The following PCDHGA8 variants were observed in gnomAD, a reference collection of about 807,000 sequenced individuals.
PCDHGA8 encodes protocadherin gamma subfamily A, 8, also known as protocadherin gamma-A8.
In PCDHGA8, 45 loss-of-function variants were observed where a neutral mutation model predicts 59.2. The observed-to-expected ratio is 0.76, with a 90% CI of 0.60 to 0.98. The LOEUF (loss-of-function observed/expected upper bound fraction) is 0.98, where lower values mean the gene tolerates loss of function less well. Ranked by LOEUF, PCDHGA8 falls within the 50% of genes least tolerant of loss-of-function variation. PCDHGA8 has a pLI of 0.00. For missense variants in PCDHGA8, 1,257 were observed against 1,196.2 expected, an observed-to-expected ratio of 1.05 and a Z score of -0.75; for synonymous variants, 531 against 519.0, an observed-to-expected ratio of 1.02 and a Z score of -0.32.
At chr5:141,478,904 T>G in intron 1 of PCDHGA8, 1 of 958,800 alleles carries the variant, frequency 1.0e-6, no homozygotes, top group Non-Finnish European at 1.5e-6. Context: ...AGGAATAAGC[T>G]GCTGGATACC....
In PCDHGA8 at chr5:141,393,494, C is replaced by T. The variant is rs750216965; in HGVS notation, c.681C>T (p.Arg227=). 9.9e-6 allele frequency: 16 copies of T among 1,613,946 alleles called. No homozygotes were observed. The highest frequency in any genetic ancestry group is 1.3e-5 in the Non-Finnish European group (15 of 1,179,920). ...GGKPPRSSTV[R]IHVTVLDTND... Reference sequence around the variant, plus strand: ...AGCCGCCTCGCTCTAGCACAGTGCGCATCCACGTGACAGTGTTGGATACAA... The same window carrying T: ...AGCCGCCTCGCTCTAGCACAGTGCGTATCCACGTGACAGTGTTGGATACAA... The change falls in exon 1 of 4, where the codon CGC becomes CGT. Residue 227 remains arginine, a synonymous_variant. Transcript: ENST00000398604.
intron 1 of PCDHGA8, chr5:141,424,482 T>C (rs779975685): frequency 1.3e-5 from 2 of 152,216 alleles, no homozygotes; most frequent in Non-Finnish European, 2.9e-5. Context: ...TACTTTGGTG[T>C]CTGTGTTTGT....
intron 3 of PCDHGA8, among the ~76,000 whole-genome samples, chr5:141,509,633 GA>G (rs2099877629): frequency 6.6e-6 from 1 of 152,204 alleles, no homozygotes; most frequent in Non-Finnish European, 1.5e-5. Flanking sequence ...GGGTGATGCT[GA>G]GCCAGGGCCA....
At chr5:141,400,234 G>A (rs749957043) in intron 1 of PCDHGA8, 11 of 1,613,984 alleles carry the variant, frequency 6.8e-6, no homozygotes, top group East Asian at 6.7e-5. Flanking sequence ...CCTCCTGGCC[G>A]TGATTCTGGC....
Position 141,432,794 on chromosome 5 carries a change from G to C in PCDHGA8, c.2424+37557G>C. 3 of 1,614,138 alleles carry C rather than the reference G, an allele frequency of 1.9e-6. No homozygotes were observed. The highest frequency in any genetic ancestry group is 1.7e-5 in the Admixed American group (1 of 60,026). ...AGTCCTGGCGGACCTCGGCAGCCTC[G>C]AGTCTCCAGCTAACTCTGAAACCTC... On this transcript the variant is annotated intron_variant, in intron 1 of 3. Coordinates refer to ENST00000398604, the MANE Select transcript of PCDHGA8 (RefSeq NM_032088.2). The surrounding 1 kb of genome is among the most constrained non-coding windows in gnomAD (Gnocchi z 6.0).
rs114918874 is a variant in PCDHGA8 at position 141,487,585 on chromosome 5, C to T, written c.2425-7222C>T. On this transcript the variant is annotated intron_variant, in intron 1 of 3. Transcript: ENST00000398604. This position sits in a 1 kb window ranked among gnomAD's most constrained non-coding sequence, Gnocchi z 5.0. Reference sequence around the variant, plus strand: ...CAGGGGAGCCTGTTCGCCCAAGCTGCCCACCCTCTGATCTTCTCTATGGGC... The same window carrying T: ...CAGGGGAGCCTGTTCGCCCAAGCTGTCCACCCTCTGATCTTCTCTATGGGC... 7,902 of 1,614,160 alleles carry T rather than the reference C, an allele frequency of 4.9e-3. 42 individuals are homozygous for T. The highest frequency in any genetic ancestry group is 8.8e-3 in the Admixed American group (531 of 60,020).
Position 141,487,925 on chromosome 5 carries a change from C to T in PCDHGA8, c.2425-6882C>T. 4.8e-6 allele frequency: 3 copies of T among 629,734 alleles called. No homozygotes were observed. The highest frequency in any genetic ancestry group is 8.3e-6 in the Non-Finnish European group (3 of 362,440). 39.0% of individuals were successfully genotyped at this position (629,734 alleles called of 1,614,324 possible). On this transcript the variant is annotated intron_variant, in intron 1 of 3. Coordinates refer to ENST00000398604, the MANE Select transcript of PCDHGA8 (RefSeq NM_032088.2). The surrounding 1 kb of genome is among the most constrained non-coding windows in gnomAD (Gnocchi z 5.0). ...TGTGGGAGCACAGGAGGCTACAGTGCACAGGGTACAGTGCACCAGGCAGTC... is the reference window on the plus strand; with the variant it reads ...TGTGGGAGCACAGGAGGCTACAGTGTACAGGGTACAGTGCACCAGGCAGTC...
Position 141,511,348 on chromosome 5 carries a change from C to T in PCDHGA8, c.*175C>T. Reference sequence around the variant, plus strand: ...TGCCCAGTCAGCACCTACCCCTTCCCCCCCAGGGGGTTGAATATGCAAAAG... The same window carrying T: ...TGCCCAGTCAGCACCTACCCCTTCCTCCCCAGGGGGTTGAATATGCAAAAG... On this transcript the variant is annotated 3_prime_UTR_variant, in exon 4 of 4. Transcript: ENST00000398604. The T allele has an allele frequency of 7.1e-7, 1 of 1,404,104 alleles. No homozygotes were observed. The highest frequency in any genetic ancestry group is 9.5e-7 in the Non-Finnish European group (1 of 1,056,554). 87.0% of individuals were successfully genotyped at this position (1,404,104 alleles called of 1,614,324 possible). A position where few individuals can be genotyped will look rare whatever the true frequency, so the allele number is the denominator to read the frequency against.
intron 1 of PCDHGA8, among the ~76,000 whole-genome samples, chr5:141,456,944 C>G (rs1172050038): frequency 6.6e-6 from 1 of 152,138 alleles, no homozygotes; most frequent in Non-Finnish European, 1.5e-5. Context: ...GCCTGGGCAA[C>G]AGAGCAAAAC....
Position 141,392,640 on chromosome 5 carries a change from A to T in PCDHGA8, c.-174A>T. 1 of 651,284 alleles carries T rather than the reference A, an allele frequency of 1.5e-6. No individual in the cohort carries two copies. The highest frequency in any genetic ancestry group is 2.5e-6 in the Non-Finnish European group (1 of 402,788). 40.3% of individuals were successfully genotyped at this position (651,284 alleles called of 1,614,324 possible). On this transcript the variant is annotated 5_prime_UTR_variant, in exon 1 of 4. Coordinates refer to ENST00000398604, the MANE Select transcript of PCDHGA8 (RefSeq NM_032088.2). The stretch of plus-strand genomic sequence containing the variant: ...CGAAAACACTCAGATCTCACACCTC[A>T]CGAAGACCCGCAGATGCCACAAACT...
At chr5:141,448,692 G>A (rs913533738) in intron 1 of PCDHGA8, among the ~76,000 whole-genome samples, 6 of 152,072 alleles carry the variant, frequency 3.9e-5, no homozygotes, top group African/African-American at 9.7e-5. Context: ...TGTAATCGCA[G>A]CACTTTGGGA....
In PCDHGA8 at chr5:141,489,432, G is replaced by A. The variant is rs2099687138; in HGVS notation, c.2425-5375G>A. ...TGACAGATCTGTTGAGCCGGCGGCTGCAATTGGGCTCTGAGGAGAATGGGC... is the reference window on the plus strand; with the variant it reads ...TGACAGATCTGTTGAGCCGGCGGCTACAATTGGGCTCTGAGGAGAATGGGC... On this transcript the variant is annotated intron_variant, in intron 1 of 3. Transcript: ENST00000398604. The surrounding 1 kb of genome is among the most constrained non-coding windows in gnomAD (Gnocchi z 4.5). 3.1e-6 allele frequency: 5 copies of A among 1,614,166 alleles called. No individual in the cohort carries two copies. Among genetic ancestry groups the A allele is most frequent in the Non-Finnish European group, 4.2e-6 (5 of 1,180,036 alleles).
chr5:141,407,589 C>G (rs1305349867), intron 1 of PCDHGA8, among the ~76,000 whole-genome samples: 1 of 151,660 alleles, frequency 6.6e-6, no homozygotes, highest in Non-Finnish European at 1.5e-5. Context: ...ACCTTAATGT[C>G]TCATCTTAAA....
At chr5:141,482,761 ATT>A (rs2099571906) in intron 1 of PCDHGA8, among the ~76,000 whole-genome samples, 1 of 127,370 alleles carries the variant, frequency 7.9e-6, no homozygotes, top group Admixed American at 7.7e-5. Flanking sequence ...ATGGTATTTC[ATT>A]ATCACTGAAC....
At chr5:141,428,189 C>G in intron 1 of PCDHGA8, 1 of 1,429,262 alleles carries the variant, frequency 7.0e-7, no homozygotes, top group African/African-American at 1.4e-5. Flanking sequence ...ACAGCCGCCG[C>G]TCTCTGCGCC....
chr5:141,454,385 T>C (rs1168439343), intron 1 of PCDHGA8, among the ~76,000 whole-genome samples: 5 of 152,194 alleles, frequency 3.3e-5, no homozygotes, highest in Non-Finnish European at 7.4e-5. Flanking sequence ...CTTGTCAAGA[T>C]GAAGAAAAGG....
chr5:141,505,583 T>A, intron 3 of PCDHGA8, 102 bp downstream of exon 3: 1 of 1,583,650 alleles, frequency 6.3e-7, no homozygotes, highest in Non-Finnish European at 8.6e-7. Context: ...ACCTGTGTAG[T>A]TTCTCCAGAT....
chr5:141,423,456 C>T, intron 1 of PCDHGA8: 1 of 1,613,924 alleles, frequency 6.2e-7, no homozygotes, highest in Non-Finnish European at 8.5e-7. Context: ...ATTTTGTAGG[C>T]GTGGACGGGG....
At chr5:141,413,202 G>T (rs768256888) in intron 1 of PCDHGA8, 19 of 1,612,062 alleles carry the variant, frequency 1.2e-5, no homozygotes, top group Non-Finnish European at 1.6e-5. Flanking sequence ...ATCGCTCAAA[G>T]GAATCAAAGG....
Sources: allele counts gnomAD v4.1 joint callset (sites outside exome capture counted in the v4.1 genomes callset), GRCh38; gene constraint gnomAD v4.1.1; non-coding constraint Gnocchi (gnomAD v3.1); transcripts MANE v1.5; gene names NCBI Gene and HGNC (gene_info 2026-07-23, HGNC 2026-07-21).